UNC5D: variants seen among roughly 807,000 people sequenced by gnomAD.
UNC5D encodes the protein unc-5 netrin receptor D, also known as netrin receptor UNC5D.
Under a neutral mutation model 105.4 loss-of-function variants are expected in UNC5D, and 39 were observed. The observed-to-expected ratio is 0.37, with a 90% CI of 0.29 to 0.48. The LOEUF is 0.48. Ranked by LOEUF, UNC5D falls within the 20% of genes least tolerant of loss-of-function variation. The pLI is 0.98. For synonymous variants in UNC5D, 452 were observed against 450.4 expected, an observed-to-expected ratio of 1.00 and a Z score of -0.04; for missense variants, 991 against 1,202.4, an observed-to-expected ratio of 0.82 and a Z score of 2.60.
intron 1 of UNC5D, among the ~76,000 whole-genome samples, chr8:35,510,330 A>C (rs1812616627): frequency 6.6e-6 from 1 of 151,866 alleles, no homozygotes; most frequent in Non-Finnish European, 1.5e-5. Flanking sequence ...AAAAAAAAAA[A>C]AACACTTTGG....
At chr8:35,307,214 A>C (rs1284708612) in intron 1 of UNC5D, among the ~76,000 whole-genome samples, 1 of 152,228 alleles carries the variant, frequency 6.6e-6, no homozygotes, top group Non-Finnish European at 1.5e-5. Context: ...CATGTGGTCC[A>C]TGGGCCGCAG....
intron 11 of UNC5D, among the ~76,000 whole-genome samples, chr8:35,734,413 C>A (rs886381976): frequency 2.7e-4 from 36 of 131,434 alleles, no homozygotes; most frequent in Admixed American, 1.0e-3. Context: ...GTATTTCTTT[C>A]TTTCTTTATT....
chr8:35,399,152 A>C (rs1804292195), intron 1 of UNC5D, among the ~76,000 whole-genome samples: 1 of 151,016 alleles, frequency 6.6e-6, no homozygotes, highest in South Asian at 2.1e-4. Context: ...CTCCAAAAAA[A>C]AAAAAAAAAA....
At chr8:35,416,258 A>AT (rs1366804157) in intron 1 of UNC5D, among the ~76,000 whole-genome samples, 1 of 152,094 alleles carries the variant, frequency 6.6e-6, no homozygotes, top group Non-Finnish European at 1.5e-5. Context: ...TGCTGGCTAC[A>AT]TTTTTTGATT....
chr8:35,704,450 C>T (rs1827408683), intron 7 of UNC5D, among the ~76,000 whole-genome samples: 1 of 152,192 alleles, frequency 6.6e-6, no homozygotes, highest in African/African-American at 2.4e-5. Flanking sequence ...TATTTAAGTT[C>T]TCAAATGTGT....
chr8:35,358,498 C>T (rs1020837061), intron 1 of UNC5D, among the ~76,000 whole-genome samples: 2 of 152,068 alleles, frequency 1.3e-5, no homozygotes, highest in Admixed American at 6.6e-5. Context: ...TGGTGAGGGT[C>T]AGGGGAAGCA....
intron 1 of UNC5D, among the ~76,000 whole-genome samples, chr8:35,500,142 C>T (rs1247788452): frequency 1.3e-5 from 2 of 152,172 alleles, no homozygotes; most frequent in Admixed American, 6.5e-5. Context: ...GGAAATATGT[C>T]TTTGCCTCTT....
intron 1 of UNC5D, among the ~76,000 whole-genome samples, chr8:35,285,762 A>T (rs918585605): frequency 1.3e-5 from 2 of 152,092 alleles, no homozygotes; most frequent in Non-Finnish European, 2.9e-5. Context: ...ACCCCAAGAG[A>T]TAGCCAGGGG....
In UNC5D at chr8:35,300,318, C is replaced by T. The variant is rs939116841; in HGVS notation, c.103+64431C>T. The stretch of plus-strand genomic sequence containing the variant: ...CAAAAATTAGCTGGTTGTGGTGGCA[C>T]GTGCCTGTAGTTCCAGCTACTTGGA... On this transcript the variant is annotated intron_variant, in intron 1 of 16. Coordinates refer to ENST00000404895, the MANE Select transcript of UNC5D (RefSeq NM_080872.4). Among the ~76,000 whole-genome samples, 11 of 151,708 alleles carry T rather than the reference C, an allele frequency of 7.3e-5. No homozygotes were observed. The East Asian group carries it at 7.8e-4, about 11-fold the overall frequency.
intron 4 of UNC5D, among the ~76,000 whole-genome samples, chr8:35,636,812 A>G (rs1822404007): frequency 6.6e-6 from 1 of 152,194 alleles, no homozygotes; most frequent in Non-Finnish European, 1.5e-5. Flanking sequence ...CTAACTAAAC[A>G]GATACAAGTA....
chr8:35,411,917 C>A (rs1486585338), intron 1 of UNC5D, among the ~76,000 whole-genome samples: 2 of 151,998 alleles, frequency 1.3e-5, no homozygotes, highest in African/African-American at 4.8e-5. Context: ...CTATTCTACT[C>A]AAAATGAAAG....
chr8:35,281,204 T>G (rs1301215441), intron 1 of UNC5D, among the ~76,000 whole-genome samples: 1 of 152,178 alleles, frequency 6.6e-6, no homozygotes, highest in East Asian at 1.9e-4. Flanking sequence ...TTTGCCCTGA[T>G]GAAAATTCAC....
intron 7 of UNC5D, among the ~76,000 whole-genome samples, chr8:35,704,960 C>CTTTT (rs1001514087): frequency 4.1e-4 from 47 of 115,578 alleles, no homozygotes; most frequent in African/African-American, 8.1e-4. Context: ...TGCTGAATGC[C>CTTTT]TTTTTTTTTT....
intron 1 of UNC5D, among the ~76,000 whole-genome samples, chr8:35,297,438 C>G (rs150584161): frequency 5.9e-5 from 9 of 152,162 alleles, no homozygotes; most frequent in African/African-American, 2.2e-4. Flanking sequence ...CCTTTATTTC[C>G]CATGATTTGA....
At chr8:35,428,795 A>T (rs1030201013) in intron 1 of UNC5D, among the ~76,000 whole-genome samples, 1 of 152,080 alleles carries the variant, frequency 6.6e-6, no homozygotes, top group African/African-American at 2.4e-5. Flanking sequence ...CAGCTCAGAT[A>T]TGAAAACACC....
intron 1 of UNC5D, among the ~76,000 whole-genome samples, chr8:35,430,256 A>C (rs533287403): frequency 2.1e-4 from 32 of 152,078 alleles, no homozygotes; most frequent in African/African-American, 7.7e-4. Context: ...CTTCCATAAA[A>C]CCCAAAATTA....
chr8:35,551,818 A>G (rs1816165939), intron 2 of UNC5D, among the ~76,000 whole-genome samples: 1 of 151,856 alleles, frequency 6.6e-6, no homozygotes, highest in South Asian at 2.1e-4. Context: ...CTCCGTCTAA[A>G]AAAAAAAAGA....
chr8:35,285,143 A>C (rs1298225914), intron 1 of UNC5D, among the ~76,000 whole-genome samples: 1 of 152,132 alleles, frequency 6.6e-6, no homozygotes, highest in Non-Finnish European at 1.5e-5. Flanking sequence ...TAAGACTTTC[A>C]CCTCTGTGGC....
intron 3 of UNC5D, among the ~76,000 whole-genome samples, chr8:35,581,512 G>T (rs539373039): frequency 3.3e-5 from 5 of 152,110 alleles, no homozygotes; most frequent in Non-Finnish European, 7.4e-5. Flanking sequence ...TAAAAATGTA[G>T]TTAAAGAATG....
Sources: allele counts gnomAD v4.1 joint callset (sites outside exome capture counted in the v4.1 genomes callset), GRCh38; gene constraint gnomAD v4.1.1; transcripts MANE v1.5; gene names NCBI Gene and HGNC (gene_info 2026-07-23, HGNC 2026-07-21).